Variants in IQANK1 observed in about 807,000 individuals in gnomAD.
IQANK1 encodes IQ motif and ankyrin repeat domain-containing protein 1.
In IQANK1, 30 loss-of-function variants were observed where a neutral mutation model predicts 22.6. That is an observed-to-expected ratio of 1.33 (90% CI 0.99 to 1.80). The LOEUF (loss-of-function observed/expected upper bound fraction) is 1.80, where lower values mean the gene tolerates loss of function less well. Ranked by LOEUF, IQANK1 falls within the 40% of genes most tolerant of loss-of-function variation. The pLI is 0.00. For missense variants in IQANK1, 275 were observed against 235.2 expected, an observed-to-expected ratio of 1.17 and a Z score of -1.11; for synonymous variants, 122 against 99.6, an observed-to-expected ratio of 1.23 and a Z score of -1.34.
At position 143,771,390 on chromosome 8, in the gene IQANK1, C is replaced by T; in HGVS notation, c.176-98C>T. ...TTGAGAGCCGTTTGGGTCCTTCTGT[C>T]GGGGCGGGGGCGGGGGCGGGGCCGG... On this transcript the variant is annotated intron_variant, in intron 3 of 13. Coordinates refer to ENST00000527139, the MANE Select transcript of IQANK1 (RefSeq NM_001381874.1). The surrounding 1 kb of genome is among the most constrained non-coding windows in gnomAD (Gnocchi z 6.0). 1 of 338,478 alleles carries T rather than the reference C, an allele frequency of 3.0e-6. No individual in the cohort carries two copies. The highest frequency in any genetic ancestry group is 5.2e-6 in the Non-Finnish European group (1 of 193,424). The allele number at this position is 338,478 out of a possible 1,614,324, so 21.0% of individuals were successfully genotyped here.
chr8:143,743,260 T>C (rs976676966), intron 3 of IQANK1, among the ~76,000 whole-genome samples: 20 of 152,112 alleles, frequency 1.3e-4, no homozygotes, highest in Non-Finnish European at 2.4e-4. Flanking sequence ...CAGGGTCAGC[T>C]GTCTTGCCCA....
intron 3 of IQANK1, among the ~76,000 whole-genome samples, chr8:143,769,481 T>C (rs4074060): frequency 0.42 from 64,211 of 152,144 alleles, 18,708 homozygotes; most frequent in African/African-American, 0.83. Flanking sequence ...ACAAGGCCAC[T>C]GCGCTTGGCC....
At chr8:143,754,228 G>A (rs1367425020) in intron 3 of IQANK1, among the ~76,000 whole-genome samples, 6 of 152,198 alleles carry the variant, frequency 3.9e-5, no homozygotes, top group African/African-American at 1.4e-4. Flanking sequence ...GACAATGGCT[G>A]CTGCTGCTTT....
intron 10 of IQANK1, 43 bp from the exon 11 acceptor site, chr8:143,789,718 G>A (rs1225594711): frequency 8.1e-7 from 1 of 1,227,108 alleles, no homozygotes; most frequent in African/African-American, 1.6e-5. Flanking sequence ...TCCAGCCAGA[G>A]CATGGGGCAG....
intron 3 of IQANK1, among the ~76,000 whole-genome samples, chr8:143,751,624 AAGTGTGTGTGTGT>A (rs1357207766): frequency 9.5e-6 from 1 of 105,378 alleles, no homozygotes; most frequent in African/African-American, 3.8e-5. Flanking sequence ...AAAAAAAAAA[AAGTGTGTGTGTGT>A]GTGTGTGTGT....
intron 7 of IQANK1, among the ~76,000 whole-genome samples, chr8:143,783,470 A>G (rs1432019434): frequency 6.6e-6 from 1 of 152,018 alleles, no homozygotes; most frequent in Non-Finnish European, 1.5e-5. Context: ...GACCTTATTT[A>G]TATATTCTAG....
At chr8:143,788,384 G>A (rs782723964) in intron 7 of IQANK1, among the ~76,000 whole-genome samples, 1 of 152,256 alleles carries the variant, frequency 6.6e-6, no homozygotes, top group Non-Finnish European at 1.5e-5. Flanking sequence ...TGGGCTTTGA[G>A]CCCGGCTCTC....
chr8:143,734,746 T>C (rs144760647), intron 1 of IQANK1, among the ~76,000 whole-genome samples: 1 of 152,040 alleles, frequency 6.6e-6, no homozygotes, highest in Non-Finnish European at 1.5e-5. Context: ...TACGGAACCC[T>C]GTGTACACAC....
Position 143,758,847 on chromosome 8 carries a change from C to G in IQANK1, c.176-12641C>G, listed in dbSNP as rs534183767. 6.4e-6 allele frequency: 1 copy of G among 156,654 alleles called. No individual in the cohort carries two copies. The highest frequency in any genetic ancestry group is 6.5e-5 in the Admixed American group (1 of 15,304). 9.7% of individuals were successfully genotyped at this position (156,654 alleles called of 1,614,324 possible). ...TTCACAGAGGCCAAAGATGACAACACGAGAGGTGGTCAAAGCCAAGGTTTC... is the reference window on the plus strand; with the variant it reads ...TTCACAGAGGCCAAAGATGACAACAGGAGAGGTGGTCAAAGCCAAGGTTTC... On this transcript the variant is annotated intron_variant, in intron 3 of 13. Coordinates refer to ENST00000527139, the MANE Select transcript of IQANK1 (RefSeq NM_001381874.1). This position sits in a 1 kb window ranked among gnomAD's most constrained non-coding sequence, Gnocchi z 4.2.
rs370428606 is a variant in IQANK1, at chr8:143,751,664, G to GTGTGTATATATA, written c.175+11717_175+11718insGTGTATATATAT. Among the ~76,000 whole-genome samples, 50 of 61,546 alleles carry GTGTGTATATATA rather than the reference G, an allele frequency of 8.1e-4. 1 individual carries two copies. Among genetic ancestry groups the GTGTGTATATATA allele is most frequent in the African/African-American group, 1.9e-3 (44 of 22,856 alleles). 40.4% of individuals were successfully genotyped at this position (61,546 alleles called of 152,430 possible). Reference sequence around the variant, plus strand: ...TGTGTGTGTGTGTGTGTGTGTGTGTGTATATATATATATAAAATCCTATAC... The same window carrying GTGTGTATATATA: ...TGTGTGTGTGTGTGTGTGTGTGTGTGTGTGTATATATATATATATATATATAAAATCCTATAC... On this transcript the variant is annotated intron_variant, in intron 3 of 13. Transcript: ENST00000527139.
At chr8:143,751,625 AGTGTGTGT>A (rs1554628034) in intron 3 of IQANK1, among the ~76,000 whole-genome samples, 1,060 of 95,990 alleles carry the variant, frequency 0.011, 44 homozygotes, top group African/African-American at 0.038. Context: ...AAAAAAAAAA[AGTGTGTGT>A]GTGTGTGTGT....
At chr8:143,749,582 A>ATT (rs1554627816) in intron 3 of IQANK1, among the ~76,000 whole-genome samples, 78 of 129,434 alleles carry the variant, frequency 6.0e-4, no homozygotes, top group African/African-American at 1.6e-3. Context: ...ATATATATAT[A>ATT]TTTTATTTAT....
rs1554625550 is a variant in IQANK1 at position 143,735,658 on chromosome 8, G to A, written c.-4-192G>A. Reference sequence around the variant, plus strand: ...GCCAAGTGCTCTTGCCAGGCATCCCGGCTCAAGCTTCTGGGCACACACCCG... The same window carrying A: ...GCCAAGTGCTCTTGCCAGGCATCCCAGCTCAAGCTTCTGGGCACACACCCG... On this transcript the variant is annotated intron_variant, in intron 1 of 13. Coordinates refer to ENST00000527139, the MANE Select transcript of IQANK1 (RefSeq NM_001381874.1). This position sits in a 1 kb window ranked among gnomAD's most constrained non-coding sequence, Gnocchi z 5.2. Among the ~76,000 whole-genome samples, 2 of 151,990 alleles carry A rather than the reference G, an allele frequency of 1.3e-5. No individual in the cohort carries two copies. The highest frequency in any genetic ancestry group is 4.8e-5 in the African/African-American group (2 of 41,364).
Position 143,771,906 on chromosome 8 carries a change from C to T in IQANK1, c.412C>T (p.Arg138Cys), listed in dbSNP as rs112664290. Residue 138 changes from arginine to cysteine, a missense_variant, in exon 5 of 14, where the codon CGC becomes TGC. Coordinates refer to ENST00000527139, the MANE Select transcript of IQANK1 (RefSeq NM_001381874.1). The surrounding 1 kb of genome is among the most constrained non-coding windows in gnomAD (Gnocchi z 6.0). Reference protein sequence around the residue: ...ERREELQRRRRLLDAAFDGDV... With the variant: ...ERREELQRRRCLLDAAFDGDV... ...GCGGGAGGAGCTGCAGCGTCGCCGC[C>T]GCCTGCTGGACGCCGCCTTCGACGG... 1 of 393,338 alleles carries T rather than the reference C, an allele frequency of 2.5e-6. No homozygotes were observed. Among genetic ancestry groups the T allele is most frequent in the Non-Finnish European group, 4.5e-6 (1 of 223,236 alleles). 24.4% of individuals were successfully genotyped at this position (393,338 alleles called of 1,614,324 possible).
chr8:143,754,735 C>T (rs1433191721), intron 3 of IQANK1, among the ~76,000 whole-genome samples: 1 of 152,124 alleles, frequency 6.6e-6, no homozygotes, highest in East Asian at 1.9e-4. Flanking sequence ...ACGACATTCT[C>T]CTGCCTCAGC....
In IQANK1 at chr8:143,771,777, G is replaced by C. The variant is rs1170581399; in HGVS notation, c.307-24G>C. On this transcript the variant is annotated intron_variant, in intron 4 of 13. Transcript: ENST00000527139. This position sits in a 1 kb window ranked among gnomAD's most constrained non-coding sequence, Gnocchi z 6.0. ...TCGGGGCGGTGGCGCGGAGTGGGCG[G>C]TGACTTCGGCGGGCGCCTCCCAGGC... The C allele has an allele frequency of 3.0e-5, 12 of 397,304 alleles. No individual in the cohort carries two copies. The highest frequency in any genetic ancestry group is 2.5e-4 in the African/African-American group (12 of 48,450). 24.6% of individuals were successfully genotyped at this position (397,304 alleles called of 1,614,324 possible).
chr8:143,764,704 T>C (rs1554629100), intron 3 of IQANK1, among the ~76,000 whole-genome samples: 3 of 152,172 alleles, frequency 2.0e-5, no homozygotes. Context: ...AGGGGTAAAT[T>C]TCCATAATTA....
intron 2 of IQANK1, among the ~76,000 whole-genome samples, chr8:143,737,132 T>C (rs782395757): frequency 4.8e-4 from 73 of 152,160 alleles, no homozygotes; most frequent in Admixed American, 1.3e-3. Context: ...CCTCCTGGAA[T>C]GAGGATAATG....
intron 7 of IQANK1, among the ~76,000 whole-genome samples, chr8:143,782,361 T>TTCCAA (rs1819810689): frequency 6.6e-6 from 1 of 152,234 alleles, no homozygotes; most frequent in Non-Finnish European, 1.5e-5. Context: ...ATAGGAGTGA[T>TTCCAA]GGGAGAGAGC....
Sources: allele counts gnomAD v4.1 joint callset (sites outside exome capture counted in the v4.1 genomes callset), GRCh38; gene constraint gnomAD v4.1.1; non-coding constraint Gnocchi (gnomAD v3.1); transcripts MANE v1.5; gene names NCBI Gene and HGNC (gene_info 2026-07-23, HGNC 2026-07-21).